Variants in ENPP2 observed in about 807,000 individuals in gnomAD.
The protein encoded by ENPP2 is ectonucleotide pyrophosphatase/phosphodiesterase 2, also known as autotaxin.
ENPP2 carries 51 observed loss-of-function variants against 120.2 expected under a neutral mutation model. That is an observed-to-expected ratio of 0.42 (90% confidence interval 0.34 to 0.54). The LOEUF is 0.54. Among genes scored for constraint, ENPP2 ranks in the 20% least tolerant of loss-of-function variants. The probability of loss-of-function intolerance (pLI) is 0.04; values close to 1 mark genes in which losing one functional copy is unlikely to be tolerated. For missense variants in ENPP2, 920 were observed against 1,066.5 expected, an observed-to-expected ratio of 0.86 and a Z score of 1.91; for synonymous variants, 365 against 366.4, an observed-to-expected ratio of 1.00 and a Z score of 0.04.
chr8:119,643,187 G>A (rs1817334558), upstream of ENPP2, among the ~76,000 whole-genome samples: 2 of 152,118 alleles, frequency 1.3e-5, no homozygotes, highest in African/African-American at 4.8e-5. Flanking sequence ...GTTTTGCTGT[G>A]GTTGAGAACT....
At chr8:119,563,222 G>C (rs1814118723) in intron 23 of ENPP2, among the ~76,000 whole-genome samples, 1 of 152,134 alleles carries the variant, frequency 6.6e-6, no homozygotes, top group Non-Finnish European at 1.5e-5. Flanking sequence ...CAACCTGGCA[G>C]AGTAAGAAAG....
intron 2 of ENPP2, among the ~76,000 whole-genome samples, chr8:119,628,823 T>C (rs1816457445): frequency 6.6e-6 from 1 of 152,200 alleles, no homozygotes; most frequent in Non-Finnish European, 1.5e-5. Flanking sequence ...CAAGTTTGCA[T>C]CACGTTTTTA....
intron 1 of ENPP2, among the ~76,000 whole-genome samples, chr8:119,659,504 T>A (rs1266493098): frequency 6.6e-6 from 1 of 152,166 alleles, no homozygotes; most frequent in Non-Finnish European, 1.5e-5. Flanking sequence ...GAGGCTTCAC[T>A]TCAGCAAAGC....
In ENPP2 at chr8:119,603,789, A is replaced by C. The variant is rs182755988; in HGVS notation, c.834-2327T>G. On this transcript the variant is annotated intron_variant, in intron 9 of 24. Transcript: ENST00000075322. ...TATTGGGTTTAAGGCATTTGTGTAA[A>C]CGTAAATAAAGATATTCCTACCAAA... 1.5e-3 allele frequency among the ~76,000 whole-genome samples: 224 copies of C among 152,290 alleles called. 1 individual carries two copies. Among genetic ancestry groups the C allele is most frequent in the Non-Finnish European group, 2.4e-4 (16 of 68,032 alleles).
intron 1 of ENPP2, among the ~76,000 whole-genome samples, chr8:119,659,319 T>TGAAAAAAAAAAAAAA: frequency 2.2e-5 from 1 of 44,494 alleles, no homozygotes; most frequent in Non-Finnish European, 4.7e-5. Flanking sequence ...TCTGTCTCAA[T>TGAAAAAAAAAAAAAA]TAAAAAAAAA....
chr8:119,600,893 C>CT (rs972108218), intron 10 of ENPP2, 143 bp from the exon 11 acceptor site: 37,254 of 452,214 alleles, frequency 0.082, no homozygotes, highest in South Asian at 0.11. Context: ...GCATGAAAAA[C>CT]TTTTTTTTTT....
At chr8:119,672,146 G>A (rs1027704596) in intron 1 of ENPP2, among the ~76,000 whole-genome samples, 1 of 152,102 alleles carries the variant, frequency 6.6e-6, no homozygotes, top group Non-Finnish European at 1.5e-5. Context: ...GGAGATGTCG[G>A]GAGACAGCAA....
intron 1 of ENPP2, among the ~76,000 whole-genome samples, chr8:119,649,235 T>C (rs912095363): frequency 2.2e-5 from 2 of 91,498 alleles, no homozygotes; most frequent in Non-Finnish European, 4.5e-5. Context: ...CTACTAAAAA[T>C]ACAAAAAAAA....
At chr8:119,618,137 A>C (rs890330398) in intron 5 of ENPP2, 2 of 355,096 alleles carry the variant, frequency 5.6e-6, no homozygotes, top group East Asian at 1.5e-4. Flanking sequence ...TTTGTAACAA[A>C]TAACACAGTG....
intron 1 of ENPP2, among the ~76,000 whole-genome samples, chr8:119,656,182 T>A (rs1368093904): frequency 2.0e-5 from 3 of 152,236 alleles, no homozygotes; most frequent in African/African-American, 7.2e-5. Context: ...TCTCCTTTTT[T>A]CAATCTTCCC....
At chr8:119,616,153 C>A in intron 8 of ENPP2, 112 bp downstream of exon 8, 1 of 927,214 alleles carries the variant, frequency 1.1e-6, no homozygotes, top group Admixed American at 2.2e-5. Context: ...AGAAACATTG[C>A]CAAGTATGAG....
At chr8:119,672,093 C>A (rs1253817925) in intron 1 of ENPP2, among the ~76,000 whole-genome samples, 3 of 152,102 alleles carry the variant, frequency 2.0e-5, no homozygotes, top group South Asian at 2.1e-4. Flanking sequence ...GAGGTGAGGG[C>A]GGACGCCAGG....
chr8:119,628,437 C>T (rs1563751822), intron 2 of ENPP2, among the ~76,000 whole-genome samples: 2 of 152,078 alleles, frequency 1.3e-5, no homozygotes, highest in African/African-American at 2.4e-5. Flanking sequence ...GCTACATGTA[C>T]AAAAAATGTC....
At chr8:119,592,426 T>C (rs1389577669) in intron 12 of ENPP2, among the ~76,000 whole-genome samples, 1 of 140,896 alleles carries the variant, frequency 7.1e-6, no homozygotes, top group African/African-American at 2.7e-5. Context: ...TGAGCCAAGA[T>C]TGCACCATTG....
At chr8:119,577,319 T>C (rs187690185) in intron 19 of ENPP2, among the ~76,000 whole-genome samples, 10 of 152,358 alleles carry the variant, frequency 6.6e-5, no homozygotes, top group Admixed American at 1.3e-4. Context: ...ACATAATACA[T>C]GTGTGCTCAC....
At chr8:119,579,178 C>G (rs184611801) in intron 19 of ENPP2, among the ~76,000 whole-genome samples, 24 of 152,272 alleles carry the variant, frequency 1.6e-4, no homozygotes, top group Admixed American at 9.8e-4. Flanking sequence ...TTTTGTGAAA[C>G]TTCACAATCA....
intron 11 of ENPP2, among the ~76,000 whole-genome samples, chr8:119,598,927 T>A (rs546792726): frequency 1.3e-5 from 2 of 152,182 alleles, no homozygotes; most frequent in Non-Finnish European, 2.9e-5. Flanking sequence ...CCGTTTTGCC[T>A]ACCCCACAGG....
chr8:119,616,252 A>G lies in ENPP2; in HGVS notation c.777+13T>C. The G allele has an allele frequency of 6.2e-7, 1 of 1,601,116 alleles. No individual in the cohort carries two copies. The highest frequency in any genetic ancestry group is 8.5e-7 in the Non-Finnish European group (1 of 1,171,136). On this transcript the variant is annotated intron_variant, in intron 8 of 24. Transcript: ENST00000075322. ...ACACAAACACATAGACACACAATAA[A>G]TGCAAAACTTACCGGTTGACCTCCC...
Position 119,586,319 on chromosome 8 carries a change from A to G in ENPP2, c.1240-6T>C. 6.2e-7 allele frequency: 1 copy of G among 1,613,306 alleles called. No individual in the cohort carries two copies. Among genetic ancestry groups the G allele is most frequent in the East Asian group, 2.2e-5 (1 of 44,864 alleles). On this transcript the variant is annotated splice_region_variant and splice_polypyrimidine_tract_variant and intron_variant, in intron 14 of 24. Transcript: ENST00000075322. ...TGCTGATCTGGTTTTTTACACTGAA[A>G]TAGAAATGGAAATCAGACTTCAGAT...
Sources: allele counts gnomAD v4.1 joint callset (sites outside exome capture counted in the v4.1 genomes callset), GRCh38; gene constraint gnomAD v4.1.1; transcripts MANE v1.5; gene names NCBI Gene and HGNC (gene_info 2026-07-23, HGNC 2026-07-21).